The following TTC6 variants were observed in gnomAD, a reference collection of about 807,000 sequenced individuals.
TTC6 encodes the protein tetratricopeptide repeat domain 6, also known as tetratricopeptide repeat protein 6.
TTC6 carries 172 observed loss-of-function variants against 210.4 expected under a neutral mutation model. The ratio of observed to expected loss-of-function variants is 0.82; its 90% CI spans 0.72 to 0.93. The LOEUF (loss-of-function observed/expected upper bound fraction) is 0.93. Among genes scored for constraint, TTC6 ranks in the 40% least tolerant of loss-of-function variants. The probability of loss-of-function intolerance (pLI) is 0.00; values close to 1 mark genes in which losing one functional copy is unlikely to be tolerated. For missense variants in TTC6, 2,414 were observed against 2,318.1 expected (o/e 1.04, Z -0.85); for synonymous variants, 804 against 819.6 (o/e 0.98, Z 0.32).
intron 14 of TTC6, among the ~76,000 whole-genome samples, chr14:37,769,898 G>A (rs1191327716): frequency 6.6e-6 from 1 of 151,810 alleles, no homozygotes; most frequent in Admixed American, 6.6e-5. Flanking sequence ...TGATGTTAGG[G>A]TGTCAATTTT....
intron 21 of TTC6, among the ~76,000 whole-genome samples, chr14:37,805,955 C>G (rs891946962): frequency 6.6e-6 from 1 of 152,100 alleles, no homozygotes; most frequent in African/African-American, 2.4e-5. Flanking sequence ...CCGCCTTGGT[C>G]TCTCAAAGTG....
At chr14:37,692,473 A>G (rs1298283392) in intron 3 of TTC6, among the ~76,000 whole-genome samples, 1 of 152,134 alleles carries the variant, frequency 6.6e-6, no homozygotes, top group Non-Finnish European at 1.5e-5. Context: ...TGATGCTTAA[A>G]AACCATTTGA....
chr14:37,705,521 A>G (rs1423842469), intron 5 of TTC6, among the ~76,000 whole-genome samples: 3 of 152,284 alleles, frequency 2.0e-5, no homozygotes, highest in South Asian at 2.1e-4. Context: ...GAATAATACT[A>G]TATGTATAAT....
intron 24 of TTC6, among the ~76,000 whole-genome samples, chr14:37,809,515 G>A (rs574245606): frequency 6.6e-6 from 1 of 152,204 alleles, no homozygotes; most frequent in Admixed American, 6.5e-5. Flanking sequence ...GCCTCCCAAA[G>A]TGCAGAATTT....
At chr14:37,801,933 A>T (rs150339143) in intron 20 of TTC6, among the ~76,000 whole-genome samples, 5,731 of 152,268 alleles carry the variant, frequency 0.038, 375 homozygotes, top group African/African-American at 0.13. Flanking sequence ...TGTTACAAAG[A>T]TACATGCATG....
At chr14:37,693,607 C>G (rs75352971) in intron 3 of TTC6, among the ~76,000 whole-genome samples, 244 of 151,894 alleles carry the variant, frequency 1.6e-3, no homozygotes, top group Middle Eastern at 3.4e-3. Context: ...ACAAAACAAA[C>G]AAACAACGAC....
intron 17 of TTC6, among the ~76,000 whole-genome samples, chr14:37,794,302 C>T (rs903549454): frequency 4.6e-5 from 7 of 152,114 alleles, no homozygotes; most frequent in African/African-American, 1.7e-4. Context: ...TTTGTTTCCT[C>T]TTTTGAGTCC....
At chr14:37,767,361 T>C (rs1351792573) in intron 14 of TTC6, among the ~76,000 whole-genome samples, 1 of 152,220 alleles carries the variant, frequency 6.6e-6, no homozygotes, top group Non-Finnish European at 1.5e-5. Flanking sequence ...TCTAGATCCC[T>C]GAGGAATCGC....
At chr14:37,653,544 A>G (rs567428219) in intron 1 of TTC6, among the ~76,000 whole-genome samples, 52 of 152,044 alleles carry the variant, frequency 3.4e-4, no homozygotes, top group African/African-American at 1.3e-3. Flanking sequence ...TCCTGCTAGC[A>G]TGTTTCATGT....
chr14:37,827,373 TGA>T lies in TTC6; in HGVS notation c.5298+9_5298+10del. On this transcript the variant is annotated splice_region_variant and intron_variant, in intron 29 of 30. Transcript: ENST00000553443. ...CCACAGGCAGTTTTCCCAGGTAATG[TGA>T]GTTTTACTTAACGCTTTCTTTTTGA... 2 of 1,611,410 alleles carry T rather than the reference TGA, an allele frequency of 1.2e-6. No homozygotes were observed. The highest frequency in any genetic ancestry group is 1.3e-5 in the African/African-American group (1 of 74,922).
chr14:37,795,206 A>C lies in TTC6; in HGVS notation c.3709-64A>C. ...ATTTCTGTAGAAAGGGTGGGAGAGG[A>C]TAAATATCAGAAAGGAAGCAATCGA... On this transcript the variant is annotated intron_variant, in intron 17 of 30. Coordinates refer to ENST00000553443, the Ensembl canonical transcript of TTC6. The C allele has an allele frequency of 4.4e-6, 5 of 1,141,540 alleles. No homozygotes were observed. In the South Asian group the frequency reaches 7.3e-5, roughly 17 times the overall value. The allele number at this position is 1,141,540 out of a possible 1,614,324, so 70.7% of individuals were successfully genotyped here.
intron 6 of TTC6, among the ~76,000 whole-genome samples, chr14:37,724,679 G>T (rs572121405): frequency 1.5e-4 from 23 of 152,114 alleles, no homozygotes; most frequent in Non-Finnish European, 2.9e-5. Flanking sequence ...GGCCTCCAGC[G>T]TGTTCTACAA....
intron 2 of TTC6, chr14:37,611,101 C>A (rs931609112): frequency 5.2e-5 from 8 of 152,546 alleles, no homozygotes; most frequent in Admixed American, 1.3e-4. Flanking sequence ...TCCGAGGCTG[C>A]CCCGGAGCGG....
At chr14:37,639,809 C>A (rs2095688284) in intron 1 of TTC6, among the ~76,000 whole-genome samples, 1 of 150,180 alleles carries the variant, frequency 6.7e-6, no homozygotes, top group Admixed American at 6.6e-5. Context: ...TTGCTTAAAC[C>A]CAGGAGGCGG....
intron 1 of TTC6, among the ~76,000 whole-genome samples, chr14:37,624,024 A>G (rs763751936): frequency 6.6e-6 from 1 of 152,216 alleles, no homozygotes; most frequent in Non-Finnish European, 1.5e-5. Context: ...AGCTACAAAT[A>G]TCTTATTAGT....
intron 3 of TTC6, among the ~76,000 whole-genome samples, chr14:37,689,296 C>T (rs1370454701): frequency 6.6e-6 from 1 of 151,890 alleles, no homozygotes; most frequent in Non-Finnish European, 1.5e-5. Flanking sequence ...GAATAAAACA[C>T]AATGAAGCAT....
At chr14:37,632,893 G>A (rs989628562) in intron 1 of TTC6, among the ~76,000 whole-genome samples, 3 of 152,320 alleles carry the variant, frequency 2.0e-5, no homozygotes, top group East Asian at 3.9e-4. Context: ...ACTTCCAGGC[G>A]GCTTTGTTTA....
rs556166787 is a variant in TTC6, at chr14:37,832,994, GT to G, written c.5298+5630del. ...AATCACTTGAACCTGGGAGGCGGAG[GT>G]TGCAGTGAGCTGAGATTGTGTCACT... On this transcript the variant is annotated intron_variant, in intron 29 of 30. Transcript: ENST00000553443. Among the ~76,000 whole-genome samples the G allele has an allele frequency of 4.2e-3, 620 of 148,948 alleles. 7 individuals are homozygous for G. The highest frequency in any genetic ancestry group is 0.015 in the African/African-American group (601 of 40,342).
intron 14 of TTC6, among the ~76,000 whole-genome samples, chr14:37,786,702 C>A (rs1198662454): frequency 6.6e-6 from 1 of 152,208 alleles, no homozygotes; most frequent in Non-Finnish European, 1.5e-5. Flanking sequence ...AGGAATCACC[C>A]GTCTTCTGCA....
Sources: gnomAD v4.1 joint callset for allele counts (sites outside exome capture counted in the v4.1 genomes callset) on GRCh38, gnomAD v4.1.1 for gene constraint, MANE v1.5 for transcripts, NCBI Gene and HGNC (gene_info 2026-07-23, HGNC 2026-07-21) for gene names.